The following SPTLC2 variants were observed in gnomAD, a reference collection of about 807,000 sequenced individuals.
SPTLC2 encodes the protein serine palmitoyltransferase 2.
Under a neutral mutation model 62.0 loss-of-function variants are expected in SPTLC2, and 21 were observed. That is an observed-to-expected ratio of 0.34 (90% CI 0.24 to 0.49). The LOEUF is 0.49. Ranked by LOEUF, SPTLC2 falls within the 20% of genes least tolerant of loss-of-function variation. SPTLC2 has a pLI of 0.99. For synonymous variants in SPTLC2, 261 were observed against 261.8 expected, an observed-to-expected ratio of 1.00 and a Z score of 0.03; for missense variants, 511 against 713.0, an observed-to-expected ratio of 0.72 and a Z score of 3.23.
intron 2 of SPTLC2, among the ~76,000 whole-genome samples, chr14:77,589,867 A>G (rs2079806042): frequency 6.6e-6 from 1 of 151,584 alleles, no homozygotes; most frequent in South Asian, 2.1e-4. Flanking sequence ...AGTCCCAGCT[A>G]CTCAGGAGGC....
intron 6 of SPTLC2, among the ~76,000 whole-genome samples, chr14:77,560,657 AC>A (rs577211048): frequency 8.1e-4 from 123 of 151,894 alleles, no homozygotes; most frequent in South Asian, 4.2e-3. Flanking sequence ...GTACATATAC[AC>A]CATGGAATAC....
At chr14:77,563,457 T>C (rs1031971462) in intron 5 of SPTLC2, among the ~76,000 whole-genome samples, 1 of 152,034 alleles carries the variant, frequency 6.6e-6, no homozygotes, top group Non-Finnish European at 1.5e-5. Flanking sequence ...TGAGATGGAG[T>C]CTTGCTCTTG....
chr14:77,518,903 C>T (rs937892042), intron 10 of SPTLC2, among the ~76,000 whole-genome samples: 1 of 152,238 alleles, frequency 6.6e-6, no homozygotes, highest in Admixed American at 6.5e-5. Context: ...CTGGCTTCAG[C>T]TGATTACTCA....
At chr14:77,554,535 C>T (rs1307619533) in intron 8 of SPTLC2, among the ~76,000 whole-genome samples, 2 of 152,106 alleles carry the variant, frequency 1.3e-5, no homozygotes, top group Non-Finnish European at 2.9e-5. Context: ...TTTCACTTAC[C>T]ATAATGTTTT....
chr14:77,616,483 T>C lies in SPTLC2; in HGVS notation c.97A>G (p.Ser33Gly), dbSNP rs1214741913. 3 of 1,522,692 alleles carry C rather than the reference T, an allele frequency of 2.0e-6. No homozygotes were observed. The African/African-American group carries it at 4.2e-5, about 21-fold the overall frequency. The allele number at this position is 1,522,692 out of a possible 1,614,324, so 94.3% of individuals were successfully genotyped here. The change falls in exon 1 of 12, where the codon AGC becomes GGC. Residue 33 changes from serine (S) to glycine (G), a missense_variant. Ser to Gly is a moderately conservative substitution (Grantham distance 56). Transcript: ENST00000216484. ...GCGGCTGCGGCTGCGGCTGCAGCGC[T>C]GCTCCTCACGTACCCGTTCCGTACT... The part of the protein sequence containing the change: ...GEVRNGYVRS[S>G]AAAAAAAAAG...
In SPTLC2 at chr14:77,583,321, G is replaced by T. The variant is rs566443362; in HGVS notation, c.328-4212C>A. Among the ~76,000 whole-genome samples, 10 of 152,060 alleles carry T rather than the reference G, an allele frequency of 6.6e-5. 1 individual carries two copies. The East Asian group carries it at 1.9e-3, about 29-fold the overall frequency. On this transcript the variant is annotated intron_variant, in intron 2 of 11. Coordinates refer to ENST00000216484, the MANE Select transcript of SPTLC2 (RefSeq NM_004863.4). The stretch of plus-strand genomic sequence containing the variant: ...AGCCATGAAAAAAAGGAGGGGAGGG[G>T]TCACTACTTGCAGTTCCAGTTCTAG...
chr14:77,606,057 C>T (rs1019701764), intron 1 of SPTLC2, among the ~76,000 whole-genome samples: 6 of 152,204 alleles, frequency 3.9e-5, no homozygotes, highest in African/African-American at 7.2e-5. Context: ...TGCTGCCTGG[C>T]GCAGTGGCTC....
intron 11 of SPTLC2, among the ~76,000 whole-genome samples, chr14:77,513,226 G>A (rs1320727672): frequency 6.6e-6 from 1 of 151,756 alleles, no homozygotes; most frequent in African/African-American, 2.4e-5. Flanking sequence ...ATGTTGGCCA[G>A]GCTAGTCTTG....
At chr14:77,601,911 A>C (rs2079879738) in intron 1 of SPTLC2, among the ~76,000 whole-genome samples, 2 of 152,336 alleles carry the variant, frequency 1.3e-5, no homozygotes, top group Middle Eastern at 3.4e-3. Context: ...GGACTCGGGA[A>C]GGCAGCCTTC....
chr14:77,521,374 T>C, intron 10 of SPTLC2, 72 bp downstream of exon 10: 1 of 1,595,270 alleles, frequency 6.3e-7, no homozygotes, highest in South Asian at 1.1e-5. Context: ...CCTAACAAAA[T>C]ACATAAGCCC....
chr14:77,596,230 T>G (rs571744919), intron 2 of SPTLC2, among the ~76,000 whole-genome samples: 1 of 151,108 alleles, frequency 6.6e-6, no homozygotes, highest in South Asian at 2.1e-4. Context: ...TCCCAGATAC[T>G]GGGGAGGCTG....
chr14:77,564,444 C>T (rs1566781749), intron 5 of SPTLC2, among the ~76,000 whole-genome samples: 1 of 97,622 alleles, frequency 1.0e-5, no homozygotes, highest in East Asian at 4.0e-4. Context: ...CACACACACA[C>T]ACACACAGAT....
At position 77,591,726 on chromosome 14, in the gene SPTLC2, G is replaced by GTATT. The variant is rs1555377445; in HGVS notation, c.327+5459_327+5460insAATA. Among the ~76,000 whole-genome samples the GTATT allele has an allele frequency of 1.3e-3, 85 of 63,808 alleles. 1 individual carries two copies. Among genetic ancestry groups the GTATT allele is most frequent in the East Asian group, 0.011 (7 of 646 alleles). The allele number at this position is 63,808 out of a possible 152,430, so 41.9% of individuals were successfully genotyped here. A position where few individuals can be genotyped will look rare whatever the true frequency, so the allele number is the denominator to read the frequency against. ...TGTATGTATGTATGTATGTATGTATGTATGTATTTATTTTTAGACGGAGTT... is the reference window on the plus strand; with the variant it reads ...TGTATGTATGTATGTATGTATGTATGTATTTATGTATTTATTTTTAGACGGAGTT... On this transcript the variant is annotated intron_variant, in intron 2 of 11. Transcript: ENST00000216484.
intron 2 of SPTLC2, among the ~76,000 whole-genome samples, chr14:77,589,631 A>C (rs1355743600): frequency 1.3e-5 from 2 of 152,098 alleles, no homozygotes; most frequent in Non-Finnish European, 2.9e-5. Context: ...CTCTACTAAA[A>C]ATACAAAAAT....
intron 9 of SPTLC2, among the ~76,000 whole-genome samples, chr14:77,527,309 G>T (rs1326458755): frequency 6.6e-6 from 1 of 151,970 alleles, no homozygotes; most frequent in East Asian, 1.9e-4. Context: ...TGTTGGCCAG[G>T]CTGGTCTAAA....
intron 2 of SPTLC2, among the ~76,000 whole-genome samples, chr14:77,582,342 T>C (rs8010591): frequency 0.96 from 146,219 of 152,286 alleles, 70,492 homozygotes; most frequent in Middle Eastern, 1. Flanking sequence ...GCATGAGCTA[T>C]GGCGCCCGGC....
rs866101592 is a variant in SPTLC2, at chr14:77,579,993, C to T, written c.328-884G>A. ...TCCCTCCCTAATAATCTCAAAAAGA[C>T]GGCTCTTCCCTCCCCACAAGCCTCC... On this transcript the variant is annotated intron_variant, in intron 2 of 11. Transcript: ENST00000216484. Among the ~76,000 whole-genome samples, 11 of 152,174 alleles carry T rather than the reference C, an allele frequency of 7.2e-5. 1 individual carries two copies. Among genetic ancestry groups the T allele is most frequent in the East Asian group, 1.9e-4 (1 of 5,186 alleles).
In SPTLC2 at chr14:77,512,214, G is replaced by C; in HGVS notation, c.*70C>G. ...GATGGCCACAGAAGTGTGGTTCCTGGAACTGGCTCACAAAGGCCACAGGCT... is the reference window on the plus strand; with the variant it reads ...GATGGCCACAGAAGTGTGGTTCCTGCAACTGGCTCACAAAGGCCACAGGCT... On this transcript the variant is annotated 3_prime_UTR_variant, in exon 12 of 12. Coordinates refer to ENST00000216484, the MANE Select transcript of SPTLC2 (RefSeq NM_004863.4). 6.2e-7 allele frequency: 1 copy of C among 1,609,744 alleles called. No individual in the cohort carries two copies. Among genetic ancestry groups the C allele is most frequent in the Non-Finnish European group, 8.5e-7 (1 of 1,178,020 alleles).
At position 77,506,412 on chromosome 14, in the gene SPTLC2, C is replaced by T. The variant is rs989776707; in HGVS notation, c.*5872G>A. 6.6e-6 allele frequency: 1 copy of T among 152,180 alleles called. No individual in the cohort carries two copies. The highest frequency in any genetic ancestry group is 6.5e-5 in the Admixed American group (1 of 15,276). The allele number at this position is 152,180 out of a possible 1,614,324, so 9.4% of individuals were successfully genotyped here. A position where few individuals can be genotyped will look rare whatever the true frequency, so the allele number is the denominator to read the frequency against. On this transcript the variant is annotated 3_prime_UTR_variant, in exon 12 of 12. Coordinates refer to ENST00000216484, the MANE Select transcript of SPTLC2 (RefSeq NM_004863.4). ...AGTAAGATCTCAGCTCTCCCATAAG[C>T]TATTGCTCTCTTCTTCTCTTTCCCC...
Sources: allele counts gnomAD v4.1 joint callset (sites outside exome capture counted in the v4.1 genomes callset), GRCh38; gene constraint gnomAD v4.1.1; transcripts MANE v1.5; gene names NCBI Gene and HGNC (gene_info 2026-07-23, HGNC 2026-07-21).